The following DST variants were observed in gnomAD, a reference collection of about 807,000 sequenced individuals.
The protein encoded by DST is dystonin, also known as bullous pemphigoid antigen.
Under a neutral mutation model 875.2 loss-of-function variants are expected in DST, and 253 were observed. The observed-to-expected ratio is 0.29, with a 90% CI of 0.26 to 0.32. The LOEUF (loss-of-function observed/expected upper bound fraction) is 0.32, where lower values mean the gene tolerates loss of function less well. Among genes scored for constraint, DST ranks in the 10% least tolerant of loss-of-function variants. The probability of loss-of-function intolerance (pLI) is 1.00; values close to 1 mark genes in which losing one functional copy is unlikely to be tolerated. For missense variants in DST, 8,287 were observed against 9,111.6 expected (o/e 0.91, Z 3.68); for synonymous variants, 3,124 against 3,197.1 (o/e 0.98, Z 0.77).
rs767077133 is a variant in DST at position 56,555,398 on chromosome 6, C to T, written c.15083G>A (p.Ser5028Asn). ...TTTTAAGATGCCTTCTAGTTGCCTACTAAGTTCTGCTTTCAAGTACTCTTC... is the reference window on the plus strand; with the variant it reads ...TTTTAAGATGCCTTCTAGTTGCCTATTAAGTTCTGCTTTCAAGTACTCTTC... Reference protein sequence around the residue: ...VKEEYLKAELSRQLEGILKSF... With the variant: ...VKEEYLKAELNRQLEGILKSF... The change falls in exon 60 of 104, where the codon AGT (serine) becomes AAT (asparagine). Residue 5028 changes from serine (S) to asparagine (N), a missense_variant. This residue lies in a region of DST where 1,513 missense variants were observed against 1,677.8 expected (regional missense o/e 0.90). Transcript: ENST00000680361. The T allele has an allele frequency of 6.2e-7, 1 of 1,611,296 alleles. No individual in the cohort carries two copies. Among genetic ancestry groups the T allele is most frequent in the East Asian group, 2.2e-5 (1 of 44,836 alleles).
At chr6:56,859,232 C>T (rs937965022) in intron 3 of DST, among the ~76,000 whole-genome samples, 1 of 152,220 alleles carries the variant, frequency 6.6e-6, no homozygotes, top group Non-Finnish European at 1.5e-5. Flanking sequence ...CAAGCCTTCA[C>T]TTACTCTGTG....
Position 56,935,833 on chromosome 6 carries a change from G to A in DST, c.216+17952C>T, listed in dbSNP as rs188345172. 2.0e-3 allele frequency among the ~76,000 whole-genome samples: 305 copies of A among 152,166 alleles called. 1 individual carries two copies. The highest frequency in any genetic ancestry group is 7.2e-3 in the African/African-American group (297 of 41,522). On this transcript the variant is annotated intron_variant, in intron 2 of 103. Transcript: ENST00000680361. ...CCAGCTACTCAGGAGGCTGAGGCAG[G>A]AGAATTGCTTGAACCCGGGAGGCAG...
intron 3 of DST, among the ~76,000 whole-genome samples, chr6:56,860,528 G>T: frequency 6.6e-6 from 1 of 152,204 alleles, no homozygotes; most frequent in Admixed American, 6.5e-5. Flanking sequence ...GAAGAAAGCT[G>T]TATGACTCAT....
chr6:56,691,385 T>C (rs978422358), intron 9 of DST, among the ~76,000 whole-genome samples: 1 of 152,148 alleles, frequency 6.6e-6, no homozygotes, highest in Non-Finnish European at 1.5e-5. Flanking sequence ...ACAGGACACC[T>C]TCAGGAGAAC....
chr6:56,782,460 A>C (rs1271756014), intron 4 of DST, among the ~76,000 whole-genome samples: 1 of 147,806 alleles, frequency 6.8e-6, no homozygotes, highest in Admixed American at 6.7e-5. Context: ...GGGAGAGTGC[A>C]TGTGTTGAGG....
At chr6:56,939,066 T>C (rs1328953408) in intron 2 of DST, among the ~76,000 whole-genome samples, 1 of 152,244 alleles carries the variant, frequency 6.6e-6, no homozygotes, top group Non-Finnish European at 1.5e-5. Flanking sequence ...CTAGACAGCA[T>C]AATGAATCAA....
intron 5 of DST, among the ~76,000 whole-genome samples, chr6:56,724,204 T>C (rs532311702): frequency 6.6e-6 from 1 of 152,340 alleles, no homozygotes; most frequent in African/African-American, 2.4e-5. Context: ...TTAAGACATT[T>C]GGGAACAATA....
rs1383661498 is a variant in DST at position 56,722,122 on chromosome 6, A to G, written c.687+13106T>C. Among the ~76,000 whole-genome samples, 4 of 152,216 alleles carry G rather than the reference A, an allele frequency of 2.6e-5. No individual in the cohort carries two copies. In the East Asian group the frequency reaches 5.8e-4, roughly 22 times the overall value. ...CTTAGCTCAGGGACATTAACAAAAA[A>G]AAAAAGGTCATGACTGGATTTGGCC... On this transcript the variant is annotated intron_variant, in intron 5 of 103. Coordinates refer to ENST00000680361, the MANE Select transcript of DST (RefSeq NM_001374736.1).
At position 56,605,157 on chromosome 6, in the gene DST, A is replaced by G. The variant is rs371216945; in HGVS notation, c.9471T>C (p.Ile3157=). The stretch of plus-strand genomic sequence containing the variant: ...AATGTGTATTCCCTTCCCACGATGT[A>G]ATGTCTGAAGTAATGTCATCACTAA... ...KEISDDITSD[I]TSWEGNTHFE... Residue 3157 remains isoleucine, a synonymous_variant, in exon 40 of 104, where the codon ATT becomes ATC. Coordinates refer to ENST00000680361, the MANE Select transcript of DST (RefSeq NM_001374736.1). 3.3e-5 allele frequency: 53 copies of G among 1,612,296 alleles called. 1 individual carries two copies. The highest frequency in any genetic ancestry group is 4.4e-5 in the Non-Finnish European group (52 of 1,179,180).
chr6:56,807,517 G>A (rs1332946024), intron 4 of DST, among the ~76,000 whole-genome samples: 3 of 152,124 alleles, frequency 2.0e-5, no homozygotes, highest in African/African-American at 7.2e-5. Flanking sequence ...TCATCAAGAT[G>A]GTGTGGTAAT....
Position 56,677,136 on chromosome 6 carries a change from T to A in DST, c.1048-6329A>T, listed in dbSNP as rs894489643. 6.6e-5 allele frequency among the ~76,000 whole-genome samples: 10 copies of A among 152,284 alleles called. No homozygotes were observed. The South Asian group carries it at 8.3e-4, about 13-fold the overall frequency. ...TATATGTAATTTTTATTTGTCAATT[T>A]AAAAAAACTTAAATATAATAACATC... is the stretch of plus-strand genomic sequence containing the variant. On this transcript the variant is annotated intron_variant, in intron 9 of 103. Transcript: ENST00000680361.
intron 2 of DST, among the ~76,000 whole-genome samples, chr6:56,951,185 T>C (rs1290969580): frequency 6.6e-6 from 1 of 152,236 alleles, no homozygotes; most frequent in East Asian, 1.9e-4. Flanking sequence ...AAGTACTCAC[T>C]GAACTTCTTC....
chr6:56,635,810 C>A, intron 23 of DST, 96 bp from the exon 24 acceptor site: 1 of 1,298,742 alleles, frequency 7.7e-7, no homozygotes, highest in South Asian at 1.2e-5. Flanking sequence ...GTGTACCCCT[C>A]ATAAGTGAGA....
intron 86 of DST, 48 bp from the exon 87 acceptor site, chr6:56,487,321 A>C: frequency 1.3e-6 from 2 of 1,499,080 alleles, no homozygotes; most frequent in Non-Finnish European, 1.8e-6. Flanking sequence ...TGGGACTAAT[A>C]AACAGGTAAG....
rs376182350 is a variant in DST, at chr6:56,477,428, C to T, written c.21592G>A (p.Asp7198Asn). Reference protein sequence around the residue: ...AELNKATTMGDTVLAICHPDS... With the variant: ...AELNKATTMGNTVLAICHPDS... ...GGGTGGCAGATAGCCAAAACGGTGTCGCCCATAGTGGTGGCTTTATTTAGT... is the reference window on the plus strand; with the variant it reads ...GGGTGGCAGATAGCCAAAACGGTGTTGCCCATAGTGGTGGCTTTATTTAGT... The change falls in exon 91 of 104, where the codon GAC becomes AAC. Residue 7198 changes from aspartate to asparagine, a missense_variant. By Grantham distance (23) the Asp-to-Asn change is conservative. This residue lies in a region of DST where 1,292 missense variants were observed against 1,552.7 expected (regional missense o/e 0.83). Coordinates refer to ENST00000680361, the MANE Select transcript of DST (RefSeq NM_001374736.1). The T allele has an allele frequency of 1.3e-5, 21 of 1,613,912 alleles. No homozygotes were observed. Among genetic ancestry groups the T allele is most frequent in the Non-Finnish European group, 1.7e-5 (20 of 1,179,876 alleles).
intron 3 of DST, among the ~76,000 whole-genome samples, chr6:56,874,422 G>C (rs1223741704): frequency 6.6e-6 from 1 of 152,200 alleles, no homozygotes; most frequent in Non-Finnish European, 1.5e-5. Flanking sequence ...TGGGTGTCAT[G>C]AATTCACCAT....
intron 4 of DST, among the ~76,000 whole-genome samples, chr6:56,744,546 G>A (rs999872056): frequency 3.9e-5 from 6 of 152,276 alleles, no homozygotes; most frequent in Admixed American, 1.3e-4. Flanking sequence ...TATTATAGAC[G>A]AAAGAAGGAA....
At chr6:56,588,061 A>G (rs993018619) in intron 49 of DST, among the ~76,000 whole-genome samples, 1 of 152,160 alleles carries the variant, frequency 6.6e-6, no homozygotes, top group Non-Finnish European at 1.5e-5. Context: ...ACACATAACA[A>G]TATTAACTTT....
At chr6:56,737,151 G>A (rs1470780892) in intron 4 of DST, among the ~76,000 whole-genome samples, 5 of 152,192 alleles carry the variant, frequency 3.3e-5, no homozygotes, top group Non-Finnish European at 1.5e-5. Flanking sequence ...CCATGATGGC[G>A]CCACTGTACT....
Sources: allele counts gnomAD v4.1 joint callset (sites outside exome capture counted in the v4.1 genomes callset), GRCh38; gene constraint gnomAD v4.1.1; regional missense constraint gnomAD v4.1.1; transcripts MANE v1.5; gene names NCBI Gene and HGNC (gene_info 2026-07-23, HGNC 2026-07-21).